Variants in NSD3 observed in about 807,000 individuals in gnomAD.
NSD3 encodes the protein nuclear receptor binding SET domain protein 3.
Under a neutral mutation model 160.8 loss-of-function variants are expected in NSD3, and 24 were observed. That is an observed-to-expected ratio of 0.15 (90% confidence interval 0.11 to 0.21). The LOEUF (loss-of-function observed/expected upper bound fraction) is 0.21, where lower values mean the gene tolerates loss of function less well. Ranked by LOEUF, NSD3 falls within the 10% of genes least tolerant of loss-of-function variation. NSD3 has a pLI of 1.00. For missense variants in NSD3, 1,157 were observed against 1,735.9 expected (o/e 0.67, Z 5.93); for synonymous variants, 520 against 600.0 (o/e 0.87, Z 1.95).
chr8:38,320,322 G>A (rs1425513639), intron 8 of NSD3: 1 of 151,940 alleles, frequency 6.6e-6, no homozygotes, highest in Non-Finnish European at 1.5e-5. Flanking sequence ...AATTTGTTTT[G>A]TTTGCTAGCA....
At chr8:38,365,297 T>A (rs1185328768) in intron 1 of NSD3, among the ~76,000 whole-genome samples, 1 of 152,210 alleles carries the variant, frequency 6.6e-6, no homozygotes, top group East Asian at 1.9e-4. Context: ...GTCTTATTTT[T>A]GTTTTTGTCT....
intron 1 of NSD3, among the ~76,000 whole-genome samples, chr8:38,364,607 T>A (rs1811064780): frequency 6.6e-6 from 1 of 152,230 alleles, no homozygotes; most frequent in Admixed American, 6.5e-5. Context: ...AATAAAATGC[T>A]ATGGGTCCTT....
intron 7 of NSD3, among the ~76,000 whole-genome samples, chr8:38,322,515 C>A (rs184766382): frequency 6.6e-6 from 1 of 151,998 alleles, no homozygotes; most frequent in African/African-American, 2.4e-5. Context: ...TGCTTAAAAA[C>A]GAACAAAAAA....
At chr8:38,300,166 T>C (rs549062265) in intron 14 of NSD3, among the ~76,000 whole-genome samples, 2 of 134,920 alleles carry the variant, frequency 1.5e-5, no homozygotes, top group East Asian at 4.8e-4. Context: ...TTTTATATTA[T>C]ATATATATTT....
rs555943585 is a variant in NSD3, at chr8:38,273,879, A to C, written c.*1762T>G. On this transcript the variant is annotated 3_prime_UTR_variant, in exon 24 of 24. Transcript: ENST00000317025. ...GCTGGAGTCAGGCAAATGGCAGTTT[A>C]GGAGCTTCAGTAAAAGAATTGTAGT... 1.3e-5 allele frequency: 2 copies of C among 152,374 alleles called. No individual in the cohort carries two copies. Among genetic ancestry groups the C allele is most frequent in the South Asian group, 4.1e-4 (2 of 4,834 alleles). The allele number at this position is 152,374 out of a possible 1,614,324, so 9.4% of individuals were successfully genotyped here. A position where few individuals can be genotyped will look rare whatever the true frequency, so the allele number is the denominator to read the frequency against.
chr8:38,379,673 A>G (rs963800138), intron 1 of NSD3, among the ~76,000 whole-genome samples: 1 of 152,232 alleles, frequency 6.6e-6, no homozygotes, highest in Non-Finnish European at 1.5e-5. Flanking sequence ...AAGCTTCTGT[A>G]TAACAACTGA....
intron 2 of NSD3, among the ~76,000 whole-genome samples, chr8:38,342,084 AT>A (rs1336506119): frequency 3.3e-5 from 5 of 152,214 alleles, no homozygotes; most frequent in African/African-American, 7.2e-5. Context: ...CTTTCAAAGA[AT>A]TAAAGTTTTT....
intron 1 of NSD3, among the ~76,000 whole-genome samples, chr8:38,351,723 G>A (rs1323860188): frequency 6.6e-6 from 1 of 151,806 alleles, no homozygotes; most frequent in Non-Finnish European, 1.5e-5. Context: ...CCTTTGTAGG[G>A]ACATGGACGA....
rs1809690011 is a variant in NSD3 at position 38,317,372 on chromosome 8, A to G, written c.1856-1330T>C. On this transcript the variant is annotated intron_variant, in intron 9 of 23. Coordinates refer to ENST00000317025, the MANE Select transcript of NSD3 (RefSeq NM_023034.2). This position sits in a 1 kb window ranked among gnomAD's most constrained non-coding sequence, Gnocchi z 5.3. ...TATGGACCCAGAACACCATCACAAA[A>G]TATTTCCTTGGCCTAAAAGATCACT... is the stretch of plus-strand genomic sequence containing the variant. The G allele has an allele frequency of 2.7e-5, 28 of 1,056,228 alleles. No homozygotes were observed. Among genetic ancestry groups the G allele is most frequent in the Non-Finnish European group, 3.1e-5 (27 of 873,542 alleles). 65.4% of individuals were successfully genotyped at this position (1,056,228 alleles called of 1,614,324 possible).
rs1809354679 is a variant in NSD3, at chr8:38,304,744, T to C, written c.2454A>G (p.Arg818=). The change falls in exon 14 of 24, where the codon AGA becomes AGG. Residue 818 remains arginine (R), a synonymous_variant. Transcript: ENST00000317025. ...IHKASKGRMM[R]CLRCPVAYHS... is the part of the protein sequence containing the mutation. ...GATAGGCAACTGGACATCTTAAACATCTCATCATGCGGCCTGTTTAAAGAC... is the reference window on the plus strand; with the variant it reads ...GATAGGCAACTGGACATCTTAAACACCTCATCATGCGGCCTGTTTAAAGAC... 3 of 1,609,108 alleles carry C rather than the reference T, an allele frequency of 1.9e-6. No individual in the cohort carries two copies. The African/African-American group carries it at 4.0e-5, about 22-fold the overall frequency.
At position 38,326,279 on chromosome 8, in the gene NSD3, A is replaced by G. The variant is rs114393364; in HGVS notation, c.1708+451T>C. On this transcript the variant is annotated intron_variant, in intron 7 of 23. Coordinates refer to ENST00000317025, the MANE Select transcript of NSD3 (RefSeq NM_023034.2). ...TAATCAGAAAACAGGTTACATTAGG[A>G]CAATTAGGCTCTAGGCCCCTCAGCT... Among the ~76,000 whole-genome samples the G allele has an allele frequency of 2.7e-3, 404 of 152,360 alleles. 2 individuals are homozygous for G. The highest frequency in any genetic ancestry group is 9.4e-3 in the African/African-American group (389 of 41,584).
chr8:38,355,805 A>G (rs1454863709), intron 1 of NSD3, among the ~76,000 whole-genome samples: 1 of 152,200 alleles, frequency 6.6e-6, no homozygotes, highest in African/African-American at 2.4e-5. Flanking sequence ...TATTCTAAAC[A>G]TTTTACATTT....
In NSD3 at chr8:38,348,166, A is replaced by T; in HGVS notation, c.6T>A (p.Asp2Glu). ...TCCCTTGCATGAAAGAGAAAGAGAA[A>T]TCCATTGTTCTGCTCCAGCATCCTT... M[D>E]FSFSFMQGIM... Residue 2 changes from aspartate (D) to glutamate (E), a missense_variant, in exon 2 of 24, where the codon GAT becomes GAA. Around this residue, in one of 10 missense-constraint regions of NSD3, gnomAD observed 121 missense variants for 177.2 expected, o/e 0.68. Coordinates refer to ENST00000317025, the MANE Select transcript of NSD3 (RefSeq NM_023034.2). 14 of 1,584,440 alleles carry T rather than the reference A, an allele frequency of 8.8e-6. No individual in the cohort carries two copies. Among genetic ancestry groups the T allele is most frequent in the Non-Finnish European group, 1.2e-5 (14 of 1,165,188 alleles).
At chr8:38,277,973 C>T (rs1014302509) in intron 22 of NSD3, among the ~76,000 whole-genome samples, 2 of 150,012 alleles carry the variant, frequency 1.3e-5, no homozygotes, top group Non-Finnish European at 3.0e-5. Flanking sequence ...GAGTCTTGCA[C>T]TGTCACCCAG....
At chr8:38,377,850 T>C (rs1811432765) in intron 1 of NSD3, among the ~76,000 whole-genome samples, 1 of 151,912 alleles carries the variant, frequency 6.6e-6, no homozygotes, top group African/African-American at 2.4e-5. Flanking sequence ...GAAGAACCGC[T>C]TGAACCGGGA....
intron 4 of NSD3, among the ~76,000 whole-genome samples, chr8:38,332,808 A>G (rs1439160567): frequency 6.6e-6 from 1 of 152,114 alleles, no homozygotes; most frequent in Non-Finnish European, 1.5e-5. Context: ...CATTTGAAAA[A>G]AGTAAAAAAA....
At position 38,355,796 on chromosome 8, in the gene NSD3, A is replaced by G. The variant is rs146414370; in HGVS notation, c.-44-7581T>C. Among the ~76,000 whole-genome samples the G allele has an allele frequency of 1.2e-4, 18 of 152,364 alleles. No individual in the cohort carries two copies. In the East Asian group the frequency reaches 2.1e-3, roughly 18 times the overall value. The stretch of plus-strand genomic sequence containing the variant: ...CATTTGAGAGCTTAGTGTCAATACT[A>G]TTCTAAACATTTTACATTTGTTATA... On this transcript the variant is annotated intron_variant, in intron 1 of 23. Coordinates refer to ENST00000317025, the MANE Select transcript of NSD3 (RefSeq NM_023034.2).
In NSD3 at chr8:38,329,974, TG is replaced by T. The variant is rs1810014516; in HGVS notation, c.1066-82del. On this transcript the variant is annotated intron_variant, in intron 5 of 23. Transcript: ENST00000317025. This position sits in a 1 kb window ranked among gnomAD's most constrained non-coding sequence, Gnocchi z 4.8. The stretch of plus-strand genomic sequence containing the variant: ...TTGATATGTATTTCCCATGTGATCC[TG>T]TTATCTTTTCAGGTCTACATAAATA... The T allele has an allele frequency of 1.4e-6, 2 of 1,468,380 alleles. No individual in the cohort carries two copies. The highest frequency in any genetic ancestry group is 1.8e-6 in the Non-Finnish European group (2 of 1,106,300). 91.0% of individuals were successfully genotyped at this position (1,468,380 alleles called of 1,614,324 possible). A position where few individuals can be genotyped will look rare whatever the true frequency, so the allele number is the denominator to read the frequency against.
At chr8:38,297,678 C>T (rs1051078540) in intron 15 of NSD3, among the ~76,000 whole-genome samples, 2 of 152,154 alleles carry the variant, frequency 1.3e-5, no homozygotes, top group East Asian at 3.8e-4. Flanking sequence ...GCTTTTACTT[C>T]AATCATCAAG....
Sources: gnomAD v4.1 joint callset for allele counts (sites outside exome capture counted in the v4.1 genomes callset) on GRCh38, gnomAD v4.1.1 for gene constraint, gnomAD v4.1.1 regional missense constraint, Gnocchi (gnomAD v3.1) non-coding constraint, MANE v1.5 for transcripts, NCBI Gene and HGNC (gene_info 2026-07-23, HGNC 2026-07-21) for gene names.